Variants in MEMO1 observed in about 807,000 individuals in gnomAD.
MEMO1 encodes the protein protein MEMO1.
Under a neutral mutation model 45.2 loss-of-function variants are expected in MEMO1, and 6 were observed. The observed-to-expected ratio is 0.13, with a 90% CI of 0.07 to 0.26. MEMO1 has a LOEUF of 0.26. Among genes scored for constraint, MEMO1 ranks in the 10% least tolerant of loss-of-function variants. The pLI, the probability that MEMO1 is intolerant of heterozygous loss-of-function variation, is 1.00. For missense variants in MEMO1, 184 were observed against 370.5 expected, an observed-to-expected ratio of 0.50 and a Z score of 4.13; for synonymous variants, 78 against 124.3, an observed-to-expected ratio of 0.63 and a Z score of 2.48.
At chr2:31,956,727 G>A (rs1335461702) in intron 2 of MEMO1, among the ~76,000 whole-genome samples, 2 of 152,198 alleles carry the variant, frequency 1.3e-5, no homozygotes, top group South Asian at 2.1e-4. Flanking sequence ...TTTTAATTGA[G>A]GGGGAAGAAC....
Position 31,869,953 on chromosome 2 carries a change from C to CT in MEMO1, c.658-2dup, listed in dbSNP as rs749882443. The CT allele has an allele frequency of 2.2e-6, 3 of 1,391,618 alleles. No individual in the cohort carries two copies. Among genetic ancestry groups the CT allele is most frequent in the East Asian group, 2.6e-5 (1 of 37,812 alleles). The allele number at this position is 1,391,618 out of a possible 1,614,324, so 86.2% of individuals were successfully genotyped here. A position where few individuals can be genotyped will look rare whatever the true frequency, so the allele number is the denominator to read the frequency against. ...CTAATTGTTCTATAATACTCATACCCTAAAAAAAAAAAAAAAGAAGAGGAA... is the reference window on the plus strand; with the variant it reads ...CTAATTGTTCTATAATACTCATACCCTTAAAAAAAAAAAAAAAGAAGAGGAA... On this transcript the variant is annotated splice_acceptor_variant, in intron 8 of 9. Coordinates refer to ENST00000404530, the MANE Select transcript of MEMO1 (RefSeq NM_001301833.4). LOFTEE classifies it high-confidence loss of function.
At chr2:31,881,470 AG>A (rs1675348180) in intron 8 of MEMO1, among the ~76,000 whole-genome samples, 1 of 131,206 alleles carries the variant, frequency 7.6e-6, no homozygotes, top group Non-Finnish European at 1.6e-5. Flanking sequence ...ACTCCAGCCT[AG>A]GTGATAGAGT....
chr2:31,906,317 G>GTTTGTT (rs1197268938), intron 6 of MEMO1, among the ~76,000 whole-genome samples: 3 of 146,428 alleles, frequency 2.0e-5, no homozygotes, highest in Admixed American at 6.9e-5. Context: ...TTGTTTGTTT[G>GTTTGTT]TTTGTTTTTG....
intron 6 of MEMO1, among the ~76,000 whole-genome samples, chr2:31,902,611 A>G (rs1482113667): frequency 6.6e-6 from 1 of 152,212 alleles, no homozygotes; most frequent in Non-Finnish European, 1.5e-5. Flanking sequence ...GTTCTTGCTA[A>G]TTCTTTAGTA....
chr2:31,939,689 A>G (rs1044139798), intron 3 of MEMO1, among the ~76,000 whole-genome samples: 1 of 152,202 alleles, frequency 6.6e-6, no homozygotes, highest in Non-Finnish European at 1.5e-5. Context: ...CTAATCAAGG[A>G]TCCCTCTTAG....
intron 3 of MEMO1, among the ~76,000 whole-genome samples, chr2:31,935,287 G>A (rs1008172746): frequency 1.3e-5 from 2 of 152,142 alleles, no homozygotes; most frequent in African/African-American, 4.8e-5. Context: ...GGAGTCTGTG[G>A]CATAGGAAAA....
At chr2:31,938,734 T>C (rs961431687) in intron 3 of MEMO1, among the ~76,000 whole-genome samples, 2 of 151,804 alleles carry the variant, frequency 1.3e-5, no homozygotes, top group African/African-American at 4.8e-5. Context: ...TTTTGATTAA[T>C]GTGATTTTTC....
intron 2 of MEMO1, among the ~76,000 whole-genome samples, chr2:31,984,855 T>C (rs1671083849): frequency 6.6e-6 from 1 of 152,102 alleles, no homozygotes; most frequent in African/African-American, 2.4e-5. Flanking sequence ...GTGTAAAAAC[T>C]GGTGAAATCA....
intron 2 of MEMO1, among the ~76,000 whole-genome samples, chr2:31,995,359 C>T (rs999829592): frequency 6.6e-6 from 1 of 152,012 alleles, no homozygotes; most frequent in Non-Finnish European, 1.5e-5. Context: ...GAGGCTGAGG[C>T]AGGCACATCG....
chr2:31,925,504 T>A (rs924395287), intron 4 of MEMO1, among the ~76,000 whole-genome samples: 3 of 92,300 alleles, frequency 3.3e-5, no homozygotes, highest in Non-Finnish European at 4.8e-5. Context: ...AAAAAATCTG[T>A]TCCCGGAGAT....
intron 2 of MEMO1, among the ~76,000 whole-genome samples, chr2:31,980,954 T>C (rs1370849464): frequency 6.6e-6 from 1 of 152,220 alleles, no homozygotes; most frequent in Non-Finnish European, 1.5e-5. Flanking sequence ...AAGAGTTCTA[T>C]ACAAATTAAA....
chr2:31,874,236 A>G (rs1174753330), intron 8 of MEMO1, among the ~76,000 whole-genome samples: 1 of 152,084 alleles, frequency 6.6e-6, no homozygotes, highest in Non-Finnish European at 1.5e-5. Context: ...AACTATGACT[A>G]ATATTTCAAG....
At chr2:31,880,026 A>C (rs1336968246) in intron 8 of MEMO1, among the ~76,000 whole-genome samples, 1 of 152,086 alleles carries the variant, frequency 6.6e-6, no homozygotes, top group Non-Finnish European at 1.5e-5. Context: ...TCTACCTCCT[A>C]AATGTCTCTC....
chr2:31,901,021 C>G (rs1678707564), intron 6 of MEMO1, among the ~76,000 whole-genome samples: 1 of 152,084 alleles, frequency 6.6e-6, no homozygotes, highest in African/African-American at 2.4e-5. Flanking sequence ...AATAGTTTAT[C>G]AACCGGTAAA....
intron 6 of MEMO1, among the ~76,000 whole-genome samples, chr2:31,899,714 C>A (rs185797838): frequency 6.6e-6 from 1 of 152,144 alleles, no homozygotes; most frequent in African/African-American, 2.4e-5. Context: ...AGCTTCTTCA[C>A]GGCAAAAGAA....
intron 9 of MEMO1, among the ~76,000 whole-genome samples, chr2:31,869,431 C>A (rs1312772884): frequency 1.3e-5 from 2 of 152,116 alleles, no homozygotes; most frequent in African/African-American, 4.8e-5. Flanking sequence ...CACACATCAT[C>A]TGTCTTGCTT....
At chr2:31,878,691 C>T (rs754167938) in intron 8 of MEMO1, among the ~76,000 whole-genome samples, 3 of 152,076 alleles carry the variant, frequency 2.0e-5, no homozygotes, top group African/African-American at 7.2e-5. Flanking sequence ...AAATTTAGTA[C>T]AAACTTGCTA....
At chr2:31,944,219 C>G (rs757846324) in intron 2 of MEMO1, among the ~76,000 whole-genome samples, 5 of 152,168 alleles carry the variant, frequency 3.3e-5, no homozygotes, top group Non-Finnish European at 7.3e-5. Context: ...TTTCAGCAGA[C>G]CCCTAAAATG....
Position 31,877,400 on chromosome 2 carries a change from G to C in MEMO1, c.657+5986C>G, listed in dbSNP as rs72796812. On this transcript the variant is annotated intron_variant, in intron 8 of 9. Transcript: ENST00000404530. ...TATTGGGACTCAGTGGGATTCCAGG[G>C]ATGCTGACACAAGACAGTTTCATAC... 8.1e-3 allele frequency among the ~76,000 whole-genome samples: 1,236 copies of C among 152,282 alleles called. 11 individuals are homozygous for C. The highest frequency in any genetic ancestry group is 0.015 in the Non-Finnish European group (1,026 of 68,020).
Sources: allele counts gnomAD v4.1 joint callset (sites outside exome capture counted in the v4.1 genomes callset), GRCh38; gene constraint gnomAD v4.1.1; transcripts MANE v1.5; gene names NCBI Gene and HGNC (gene_info 2026-07-23, HGNC 2026-07-21).